CRYBG1: variants seen among roughly 807,000 people sequenced by gnomAD.
The protein encoded by CRYBG1 is crystallin beta-gamma domain containing 1.
A neutral mutation model predicts 189.2 loss-of-function variants in CRYBG1; 139 were observed. That is an observed-to-expected ratio of 0.73 (90% CI 0.64 to 0.85). The LOEUF (loss-of-function observed/expected upper bound fraction) is 0.85, where lower values mean the gene tolerates loss of function less well. CRYBG1 is among the 40% of genes least tolerant of loss of function. The probability of loss-of-function intolerance (pLI) is 0.00; values close to 1 mark genes in which losing one functional copy is unlikely to be tolerated. For synonymous variants in CRYBG1, 1,023 were observed against 1,017.1 expected (o/e 1.01, Z -0.11); for missense variants, 2,611 against 2,675.8 (o/e 0.98, Z 0.53).
At chr6:106,377,648 T>TATATA (rs56394821) in intron 1 of CRYBG1, among the ~76,000 whole-genome samples, 3 of 146,692 alleles carry the variant, frequency 2.0e-5, no homozygotes, top group Admixed American at 6.8e-5. Flanking sequence ...TATATATATA[T>TATATA]TTTCATTTGC....
intron 2 of CRYBG1, among the ~76,000 whole-genome samples, chr6:106,488,658 G>T (rs1554185906): frequency 6.6e-6 from 1 of 152,172 alleles, no homozygotes; most frequent in Non-Finnish European, 1.5e-5. Context: ...AGGCAGGGGG[G>T]TGGGTGCCTG....
intron 15 of CRYBG1, 43 bp downstream of exon 15, chr6:106,552,259 T>C: frequency 7.6e-7 from 1 of 1,311,756 alleles, no homozygotes; most frequent in Non-Finnish European, 1.0e-6. Flanking sequence ...ATAAAGGGCC[T>C]TCCATTGAAA....
chr6:106,414,983 G>A (rs1461002712), intron 1 of CRYBG1, among the ~76,000 whole-genome samples: 1 of 152,098 alleles, frequency 6.6e-6, no homozygotes, highest in East Asian at 1.9e-4. Context: ...CATTCAACTA[G>A]CAGGATTTTG....
Position 106,508,963 on chromosome 6 carries a change from G to A in CRYBG1, c.313-2467G>A, listed in dbSNP as rs184886497. 2.9e-3 allele frequency among the ~76,000 whole-genome samples: 307 copies of A among 106,316 alleles called. 4 individuals are homozygous for A. The highest frequency in any genetic ancestry group is 0.01 in the African/African-American group (287 of 28,014). 69.7% of individuals were successfully genotyped at this position (106,316 alleles called of 152,430 possible). On this transcript the variant is annotated intron_variant, in intron 2 of 21. Transcript: ENST00000633556. ...TGTTTTAATGCCTATACTAAGCATA[G>A]AGAGGACTGCTTGCTGATCAAGCGT...
chr6:106,478,887 T>C (rs1772388228), intron 2 of CRYBG1, among the ~76,000 whole-genome samples: 1 of 152,248 alleles, frequency 6.6e-6, no homozygotes. Flanking sequence ...GAGAATCTAA[T>C]GTCTGATGAT....
In CRYBG1 at chr6:106,513,003, G is replaced by T. The variant is rs558045405; in HGVS notation, c.1886G>T (p.Gly629Val). The T allele has an allele frequency of 9.3e-6, 15 of 1,608,192 alleles. No individual in the cohort carries two copies. In the South Asian group the frequency reaches 1.3e-4, roughly 14 times the overall value. ...ADGLKPRNHF[G>V]VGRSTVTTKV... ...GGCTTGAAGCCCAGGAACCATTTCG[G>T]CGTGGGCAGGTCGACAGTGACCACT... Residue 629 changes from glycine to valine, a missense_variant, in exon 3 of 22, where the codon GGC becomes GTC. Coordinates refer to ENST00000633556, the MANE Select transcript of CRYBG1 (RefSeq NM_001371242.2).
intron 1 of CRYBG1, among the ~76,000 whole-genome samples, chr6:106,443,992 T>G (rs1832702): frequency 0.56 from 85,358 of 151,964 alleles, 24,286 homozygotes; most frequent in East Asian, 0.82. Flanking sequence ...TTGTATCCAT[T>G]AATATAACCA....
rs1011407571 is a variant in CRYBG1, at chr6:106,530,068, T to C, written c.4579-108T>C. ...GCAGGTGCTCTGTGAAATGTGTTTG[T>C]AAATTTAAAGCTCATTTTGATTAGT... On this transcript the variant is annotated intron_variant, in intron 7 of 21. Coordinates refer to ENST00000633556, the MANE Select transcript of CRYBG1 (RefSeq NM_001371242.2). 2.3e-5 allele frequency: 25 copies of C among 1,072,806 alleles called. No individual in the cohort carries two copies. In the South Asian group the frequency reaches 5.3e-4, roughly 23 times the overall value. The allele number at this position is 1,072,806 out of a possible 1,614,324, so 66.5% of individuals were successfully genotyped here.
At chr6:106,451,391 T>G (rs2114437110) in intron 1 of CRYBG1, 1 of 199,594 alleles carries the variant, frequency 5.0e-6, no homozygotes, top group Middle Eastern at 1.8e-3. Context: ...GAAATTGGAT[T>G]ACTTTCATGC....
chr6:106,439,213 A>G (rs1261043384), intron 1 of CRYBG1, among the ~76,000 whole-genome samples: 1 of 152,172 alleles, frequency 6.6e-6, no homozygotes, highest in East Asian at 1.9e-4. Context: ...CAAAGCTGGG[A>G]AAAATACCAA....
intron 16 of CRYBG1, among the ~76,000 whole-genome samples, chr6:106,554,010 A>G (rs957614764): frequency 6.6e-6 from 1 of 152,162 alleles, no homozygotes; most frequent in Non-Finnish European, 1.5e-5. Flanking sequence ...TGGGAGGAGA[A>G]GCAAAGCTGA....
Position 106,512,466 on chromosome 6 carries a change from A to G in CRYBG1, c.1349A>G (p.Asp450Gly), listed in dbSNP as rs2114524929. Residue 450 changes from aspartate to glycine, a missense_variant, in exon 3 of 22, where the codon GAC becomes GGC. By Grantham distance (94) the Asp-to-Gly change is moderately conservative. Transcript: ENST00000633556. Reference sequence around the variant, plus strand: ...GCCAGGGACGACGCGGTGTTCGACGACGAGGTGGCGCCAAACGCGGCCAGC... The same window carrying G: ...GCCAGGGACGACGCGGTGTTCGACGGCGAGGTGGCGCCAAACGCGGCCAGC... ...SAARDDAVFD[D>G]EVAPNAASDN... 1.9e-6 allele frequency: 3 copies of G among 1,611,226 alleles called. No homozygotes were observed. The highest frequency in any genetic ancestry group is 2.5e-6 in the Non-Finnish European group (3 of 1,179,118).
Position 106,521,316 on chromosome 6 carries a change from G to A in CRYBG1, c.4108G>A (p.Ala1370Thr). The part of the protein sequence containing the change: ...SKLKNDDMEK[A>T]NHIESVIKSN... ...ACTGAAGAATGATGATATGGAAAAG[G>A]CTAATCATATTGAAAGTGTTATTAA... Residue 1370 changes from alanine (A) to threonine (T), a missense_variant, in exon 4 of 22, where the codon GCT (alanine) becomes ACT (threonine). Physicochemically the swap from Ala to Thr is moderately conservative, Grantham distance 58. Coordinates refer to ENST00000633556, the MANE Select transcript of CRYBG1 (RefSeq NM_001371242.2). The A allele has an allele frequency of 6.2e-7, 1 of 1,614,120 alleles. No homozygotes were observed. The highest frequency in any genetic ancestry group is 8.5e-7 in the Non-Finnish European group (1 of 1,180,024).
chr6:106,452,243 C>T (rs1176932295), intron 2 of CRYBG1, among the ~76,000 whole-genome samples: 1 of 83,924 alleles, frequency 1.2e-5, no homozygotes, highest in Non-Finnish European at 2.3e-5. Flanking sequence ...CCAGACTCTA[C>T]TAAAAAAAAA....
intron 1 of CRYBG1, among the ~76,000 whole-genome samples, chr6:106,432,841 T>TTTC (rs1491526415): frequency 8.4e-3 from 248 of 29,556 alleles, no homozygotes; most frequent in Non-Finnish European, 0.017. Context: ...CTTTTCTTTC[T>TTTC]TTTTTTTTTT....
intron 1 of CRYBG1, among the ~76,000 whole-genome samples, chr6:106,409,061 T>C (rs2114368310): frequency 6.6e-6 from 1 of 151,604 alleles, no homozygotes; most frequent in East Asian, 1.9e-4. Context: ...TGTATTCAAA[T>C]AGGAAGAGGG....
intron 1 of CRYBG1, among the ~76,000 whole-genome samples, chr6:106,415,028 T>A (rs751389358): frequency 1.3e-5 from 2 of 152,282 alleles, no homozygotes; most frequent in South Asian, 4.2e-4. Flanking sequence ...CATAAATGTG[T>A]CTTTAATCTG....
intron 1 of CRYBG1, among the ~76,000 whole-genome samples, chr6:106,405,798 G>C (rs1770809720): frequency 6.6e-6 from 1 of 152,172 alleles, no homozygotes; most frequent in South Asian, 2.1e-4. Context: ...ACTGTTAGAA[G>C]GAAACTTAAC....
In CRYBG1 at chr6:106,366,224, A is replaced by G. The variant is rs541367535; in HGVS notation, c.173+5143A>G. On this transcript the variant is annotated intron_variant, in intron 1 of 21. Transcript: ENST00000633556. Reference sequence around the variant, plus strand: ...TAAACAGGTTTAATTATTTTCTAGCATAAAGAACATAGCCAGGTAAGTCTA... The same window carrying G: ...TAAACAGGTTTAATTATTTTCTAGCGTAAAGAACATAGCCAGGTAAGTCTA... Among the ~76,000 whole-genome samples the G allele has an allele frequency of 1.1e-4, 16 of 152,324 alleles. No individual in the cohort carries two copies. In the East Asian group the frequency reaches 3.1e-3, roughly 29 times the overall value.
Sources: gnomAD v4.1 joint callset for allele counts (sites outside exome capture counted in the v4.1 genomes callset) on GRCh38, gnomAD v4.1.1 for gene constraint, MANE v1.5 for transcripts, NCBI Gene and HGNC (gene_info 2026-07-23, HGNC 2026-07-21) for gene names.